Variants in PTGR2 observed in about 807,000 individuals in gnomAD.
The protein encoded by PTGR2 is prostaglandin reductase 2.
In PTGR2, 32 loss-of-function variants were observed where a neutral mutation model predicts 43.4. The ratio of observed to expected loss-of-function variants is 0.74; its 90% CI spans 0.56 to 0.99. The LOEUF (loss-of-function observed/expected upper bound fraction) is 0.99. PTGR2 is among the 50% of genes least tolerant of loss of function. PTGR2 has a pLI of 0.00. For synonymous variants in PTGR2, 106 were observed against 139.2 expected (o/e 0.76, Z 1.68); for missense variants, 373 against 420.0 (o/e 0.89, Z 0.98).
rs35651032 is a variant in PTGR2, at chr14:73,882,800, C to CTTTTTTTTTTTT, written c.979+389_979+400dup. 2.6e-4 allele frequency among the ~76,000 whole-genome samples: 11 copies of CTTTTTTTTTTTT among 41,868 alleles called. 3 individuals are homozygous for CTTTTTTTTTTTT. Among genetic ancestry groups the CTTTTTTTTTTTT allele is most frequent in the Admixed American group, 1.9e-3 (5 of 2,612 alleles). 27.5% of individuals were successfully genotyped at this position (41,868 alleles called of 152,430 possible). A position where few individuals can be genotyped will look rare whatever the true frequency, so the allele number is the denominator to read the frequency against. ...CAAGCGTGAGCCACCACGCCTGGCC[C>CTTTTTTTTTTTT]TTTTTTTTTTTTTTTTTTTTTTTTT... On this transcript the variant is annotated intron_variant, in intron 9 of 9. Coordinates refer to ENST00000555661, the MANE Select transcript of PTGR2 (RefSeq NM_001146154.2).
chr14:73,877,069 C>T lies in PTGR2; in HGVS notation c.420C>T (p.Ser140=). Residue 140 remains serine, a synonymous_variant, in exon 5 of 10, where the codon TCC becomes TCT. Transcript: ENST00000555661. ...LGAIGMPGLT[S]LIGIQEKGHI... ...CTATAGGTATGCCTGGTTTGACTTC[C>T]TTGATTGGGATACAGGAAAAAGGTC... The T allele has an allele frequency of 6.2e-7, 1 of 1,613,804 alleles. No homozygotes were observed. The highest frequency in any genetic ancestry group is 8.5e-7 in the Non-Finnish European group (1 of 1,179,854).
intron 3 of PTGR2, 114 bp downstream of exon 3, chr14:73,860,771 T>TTATAGATTGGTAA: frequency 1.6e-6 from 1 of 608,354 alleles, no homozygotes; most frequent in South Asian, 2.0e-5. Context: ...TTTGAGCAGT[T>TTATAGATTGGTAA]ATATATTGAT....
In PTGR2 at chr14:73,864,854, C is replaced by T. The variant is rs140896251; in HGVS notation, c.156+4197C>T. 1.2e-3 allele frequency among the ~76,000 whole-genome samples: 187 copies of T among 152,222 alleles called. 1 individual carries two copies. The highest frequency in any genetic ancestry group is 4.4e-3 in the African/African-American group (182 of 41,524). ...CACGTATACTTTCAATACTTTCAGACTCATATCTAAGAAGGCTTTGCCTCA... is the reference window on the plus strand; with the variant it reads ...CACGTATACTTTCAATACTTTCAGATTCATATCTAAGAAGGCTTTGCCTCA... On this transcript the variant is annotated intron_variant, in intron 3 of 9. Transcript: ENST00000555661.
intron 1 of PTGR2, among the ~76,000 whole-genome samples, chr14:73,852,764 G>A (rs979280479): frequency 6.6e-6 from 1 of 152,136 alleles, no homozygotes; most frequent in Non-Finnish European, 1.5e-5. Flanking sequence ...GAGGGGAAGG[G>A]GGAGACCAGA....
intron 3 of PTGR2, among the ~76,000 whole-genome samples, chr14:73,864,158 C>A (rs1035193119): frequency 1.4e-4 from 21 of 152,182 alleles, no homozygotes; most frequent in Non-Finnish European, 2.5e-4. Flanking sequence ...AATAATGTTA[C>A]ATTGTATGGA....
chr14:73,875,820 C>CTTTTTT (rs953891690), intron 4 of PTGR2, among the ~76,000 whole-genome samples: 42 of 94,384 alleles, frequency 4.4e-4, no homozygotes, highest in Non-Finnish European at 6.8e-4. Flanking sequence ...TTAAAAGTTT[C>CTTTTTT]TTTTTTTTTT....
chr14:73,860,484 A>C, intron 2 of PTGR2, 55 bp from the exon 3 acceptor site: 1 of 790,178 alleles, frequency 1.3e-6, no homozygotes, highest in South Asian at 1.6e-5. Context: ...AATAATAATA[A>C]TAGTATATAG....
At position 73,873,961 on chromosome 14, in the gene PTGR2, G is replaced by A. The variant is rs546196133; in HGVS notation, c.157-62G>A. Reference sequence around the variant, plus strand: ...CTCATTATATGCTTTTAGTCATTGGGTAAATTAGTAGAGTGGTTTGACATT... The same window carrying A: ...CTCATTATATGCTTTTAGTCATTGGATAAATTAGTAGAGTGGTTTGACATT... On this transcript the variant is annotated intron_variant, in intron 3 of 9. Transcript: ENST00000555661. 12 of 1,296,606 alleles carry A rather than the reference G, an allele frequency of 9.3e-6. No individual in the cohort carries two copies. In the South Asian group the frequency reaches 1.3e-4, roughly 14 times the overall value. The allele number at this position is 1,296,606 out of a possible 1,614,324, so 80.3% of individuals were successfully genotyped here.
In PTGR2 at chr14:73,880,177, G is replaced by GTGT; in HGVS notation, c.851+2_851+4dup. 1.2e-6 allele frequency: 2 copies of GTGT among 1,613,676 alleles called. No individual in the cohort carries two copies. Among genetic ancestry groups the GTGT allele is most frequent in the Non-Finnish European group, 1.7e-6 (2 of 1,179,700 alleles). On this transcript the variant is annotated splice_donor_variant, in intron 7 of 9. Transcript: ENST00000555661. ...TCCAGAAAGAAAGAAACATCACAAG[G>GTGT]TGTGTTCTTCCTCTTTGCCCTTATT...
chr14:73,884,337 G>C lies in PTGR2; in HGVS notation c.*160G>C. On this transcript the variant is annotated 3_prime_UTR_variant, in exon 10 of 10. Transcript: ENST00000555661. ...AGGGTATTTGATACAATCATTAATG[G>C]ATCATACACAATAGGTTTTTAAAAA... 2.0e-6 allele frequency: 1 copy of C among 510,556 alleles called. No homozygotes were observed. Among genetic ancestry groups the C allele is most frequent in the Non-Finnish European group, 3.4e-6 (1 of 295,226 alleles). The allele number at this position is 510,556 out of a possible 1,614,324, so 31.6% of individuals were successfully genotyped here.
In PTGR2 at chr14:73,860,132, C is replaced by T. The variant is rs1018634496; in HGVS notation, c.38-407C>T. On this transcript the variant is annotated intron_variant, in intron 2 of 9. Coordinates refer to ENST00000555661, the MANE Select transcript of PTGR2 (RefSeq NM_001146154.2). The stretch of plus-strand genomic sequence containing the variant: ...AAAGTCCTGGGGTTACAGGCATGAG[C>T]CACCACGCCTGGCCCCTTGTGCCTG... Among the ~76,000 whole-genome samples the T allele has an allele frequency of 1.6e-4, 24 of 151,994 alleles. 1 individual carries two copies. The highest frequency in any genetic ancestry group is 5.8e-4 in the African/African-American group (24 of 41,410).
intron 3 of PTGR2, among the ~76,000 whole-genome samples, chr14:73,862,403 T>C (rs2054513351): frequency 6.6e-6 from 1 of 151,994 alleles, no homozygotes. Flanking sequence ...GAGATGGGGT[T>C]TCACTGTGTT....
At chr14:73,880,587 CAAAA>C (rs370222443) in intron 7 of PTGR2, among the ~76,000 whole-genome samples, 1 of 103,002 alleles carries the variant, frequency 9.7e-6, no homozygotes, top group African/African-American at 3.2e-5. Context: ...CTCAAAAAAA[CAAAA>C]AAAAAAAAAC....
rs960767615 is a variant in PTGR2 at position 73,876,937 on chromosome 14, T to C, written c.349-61T>C. On this transcript the variant is annotated intron_variant, in intron 4 of 9. Coordinates refer to ENST00000555661, the MANE Select transcript of PTGR2 (RefSeq NM_001146154.2). ...AATTCAGTCCATAACACGTTGTCTC[T>C]ACTTTGTTGTCTCAAAACAGGAATT... The C allele has an allele frequency of 6.2e-6, 8 of 1,295,740 alleles. No individual in the cohort carries two copies. In the African/African-American group the frequency reaches 1.2e-4, roughly 19 times the overall value. The allele number at this position is 1,295,740 out of a possible 1,614,324, so 80.3% of individuals were successfully genotyped here.
At chr14:73,880,835 C>A (rs556323989) in intron 7 of PTGR2, among the ~76,000 whole-genome samples, 1 of 152,040 alleles carries the variant, frequency 6.6e-6, no homozygotes, top group Non-Finnish European at 1.5e-5. Flanking sequence ...CTCGCTCAGC[C>A]GCCCAGGCTG....
Position 73,882,426 on chromosome 14 carries a change from G to C in PTGR2, c.967G>C (p.Glu323Gln). The change falls in exon 9 of 10, where the codon GAA becomes CAA. Residue 323 changes from glutamate to glutamine, a missense_variant. Coordinates refer to ENST00000555661, the MANE Select transcript of PTGR2 (RefSeq NM_001146154.2). The stretch of plus-strand genomic sequence containing the variant: ...TAAAGAGACGGTAATAAATGGGTTG[G>C]AAAACATGGGAGGTAAGATGAATGT... ...KIKETVINGL[E>Q]NMGAAFQSMM... 1 of 1,571,746 alleles carries C rather than the reference G, an allele frequency of 6.4e-7. No individual in the cohort carries two copies.
At position 73,884,111 on chromosome 14, in the gene PTGR2, G is replaced by C. The variant is rs1446702335; in HGVS notation, c.990G>C (p.Gln330His). 3 of 1,604,006 alleles carry C rather than the reference G, an allele frequency of 1.9e-6. No homozygotes were observed. Among genetic ancestry groups the C allele is most frequent in the Non-Finnish European group, 2.6e-6 (3 of 1,174,860 alleles). The change falls in exon 10 of 10, where the codon CAG becomes CAC. Residue 330 changes from glutamine to histidine, a missense_variant. Gln to His is a conservative substitution (Grantham distance 24). Transcript: ENST00000555661. ...NGLENMGAAF[Q>H]SMMTGGNIGK... ...TTTCTCTTTTTCCAGCTGCATTCCAGTCCATGATGACAGGAGGTAACATTG... is the reference window on the plus strand; with the variant it reads ...TTTCTCTTTTTCCAGCTGCATTCCACTCCATGATGACAGGAGGTAACATTG...
At chr14:73,871,402 T>A (rs1445719765) in intron 3 of PTGR2, among the ~76,000 whole-genome samples, 5 of 150,976 alleles carry the variant, frequency 3.3e-5, no homozygotes, top group African/African-American at 9.7e-5. Context: ...TTAAAAAATT[T>A]TTATTATTTT....
chr14:73,871,116 G>T (rs2054716281), intron 3 of PTGR2, among the ~76,000 whole-genome samples: 1 of 152,150 alleles, frequency 6.6e-6, no homozygotes. Flanking sequence ...TCCAGGTAGG[G>T]GACAGCAGGT....
Sources: gnomAD v4.1 joint callset for allele counts (sites outside exome capture counted in the v4.1 genomes callset) on GRCh38, gnomAD v4.1.1 for gene constraint, MANE v1.5 for transcripts, NCBI Gene and HGNC (gene_info 2026-07-23, HGNC 2026-07-21) for gene names.